Variants in GLIS3 observed in about 807,000 individuals in gnomAD.
The protein encoded by GLIS3 is zinc finger protein GLIS3.
GLIS3 carries 53 observed loss-of-function variants against 78.6 expected under a neutral mutation model. The ratio of observed to expected loss-of-function variants is 0.67; its 90% CI spans 0.54 to 0.85. The LOEUF (loss-of-function observed/expected upper bound fraction) is 0.85. GLIS3 is among the 40% of genes least tolerant of loss of function. The probability of loss-of-function intolerance (pLI) is 0.00; values close to 1 mark genes in which losing one functional copy is unlikely to be tolerated. For missense variants in GLIS3, 1,703 were observed against 1,231.1 expected (o/e 1.38, Z -5.74); for synonymous variants, 684 against 509.9 (o/e 1.34, Z -4.60).
intron 2 of GLIS3, among the ~76,000 whole-genome samples, chr9:4,217,356 T>A (rs909111629): frequency 6.6e-6 from 1 of 152,192 alleles, no homozygotes; most frequent in Non-Finnish European, 1.5e-5. Context: ...ACTTGTTTAG[T>A]CTTCATCCCA....
chr9:3,879,311 G>T, intron 8 of GLIS3, 116 bp downstream of exon 8: 2 of 948,186 alleles, frequency 2.1e-6, no homozygotes, highest in Non-Finnish European at 3.5e-6. Context: ...TGTCACCTTT[G>T]GGTAACTCAA....
At chr9:4,308,526 T>G (rs757423091) in intron 4 of GLIS3, among the ~76,000 whole-genome samples, 7 of 152,024 alleles carry the variant, frequency 4.6e-5, no homozygotes, top group Non-Finnish European at 1.0e-4. Flanking sequence ...CTCTCCTCCC[T>G]CCTCCCTGAG....
At chr9:3,904,851 C>T (rs1365701058) in intron 6 of GLIS3, among the ~76,000 whole-genome samples, 1 of 152,128 alleles carries the variant, frequency 6.6e-6, no homozygotes, top group East Asian at 1.9e-4. Flanking sequence ...TAGAGGGAAT[C>T]CCAAATTATG....
chr9:4,484,245 TTTA>T, the GLIS3 span, among the ~76,000 whole-genome samples: 12 of 148,490 alleles, frequency 8.1e-5, no homozygotes, highest in African/African-American at 2.5e-4. Flanking sequence ...TTTTATTTTT[TTTA>T]TTTTTTTGAG....
rs538025553 is a variant in GLIS3, at chr9:3,836,358, T to A, written c.2474-6866A>T. On this transcript the variant is annotated intron_variant, in intron 9 of 10. Transcript: ENST00000381971. ...TATTTTTCCGCAGAGACTATAATTT[T>A]GTGGGTTACTACTTTAGGAAGTGTA... is the stretch of plus-strand genomic sequence containing the variant. 2.6e-5 allele frequency among the ~76,000 whole-genome samples: 4 copies of A among 152,380 alleles called. No homozygotes were observed. In the South Asian group the frequency reaches 8.3e-4, roughly 32 times the overall value.
intron 4 of GLIS3, among the ~76,000 whole-genome samples, chr9:4,066,165 A>C (rs1465068970): frequency 6.6e-6 from 1 of 152,202 alleles, no homozygotes; most frequent in African/African-American, 2.4e-5. Flanking sequence ...ATTTAATAAA[A>C]GAGCAAACAG....
intron 2 of GLIS3, among the ~76,000 whole-genome samples, chr9:4,201,091 T>C (rs1026487247): frequency 7.2e-5 from 11 of 152,152 alleles, no homozygotes; most frequent in Non-Finnish European, 4.4e-5. Flanking sequence ...AACCACTCGA[T>C]CATCTCAATA....
chr9:4,032,694 G>A (rs1258389297), intron 4 of GLIS3, among the ~76,000 whole-genome samples: 2 of 152,038 alleles, frequency 1.3e-5, no homozygotes, highest in Non-Finnish European at 2.9e-5. Context: ...TTTCCAGCCC[G>A]GGGCAAGTAT....
intron 4 of GLIS3, among the ~76,000 whole-genome samples, chr9:4,110,483 G>C (rs976148807): frequency 6.6e-6 from 1 of 152,004 alleles, no homozygotes; most frequent in Non-Finnish European, 1.5e-5. Context: ...CAGAACCTGT[G>C]GCCCAAGAAA....
intron 4 of GLIS3, among the ~76,000 whole-genome samples, chr9:4,046,571 A>G (rs1411009614): frequency 3.3e-5 from 5 of 152,186 alleles, no homozygotes; most frequent in Admixed American, 6.5e-5. Context: ...AGCTAATACG[A>G]TAAGTTGTAC....
chr9:3,836,741 A>C (rs972610853), intron 9 of GLIS3, among the ~76,000 whole-genome samples: 1 of 152,166 alleles, frequency 6.6e-6, no homozygotes, highest in African/African-American at 2.4e-5. Context: ...CCATATGCTG[A>C]CAGCCACACC....
At chr9:4,256,472 T>G (rs1444572853) in intron 2 of GLIS3, among the ~76,000 whole-genome samples, 2 of 152,176 alleles carry the variant, frequency 1.3e-5, no homozygotes, top group Admixed American at 6.5e-5. Context: ...AGATTAAAAA[T>G]TATGATGTTG....
At chr9:4,381,892 T>C in the GLIS3 span, among the ~76,000 whole-genome samples, 1 of 152,228 alleles carries the variant, frequency 6.6e-6, no homozygotes, top group Non-Finnish European at 1.5e-5. Context: ...TGACCCAAGG[T>C]TCTGCTGGAA....
In GLIS3 at chr9:4,198,585, T is replaced by C. The variant is rs536213045; in HGVS notation, c.389-72644A>G. Among the ~76,000 whole-genome samples the C allele has an allele frequency of 2.8e-4, 43 of 152,284 alleles. No homozygotes were observed. The South Asian group carries it at 6.4e-3, about 23-fold the overall frequency. ...AAATAAACTGACAGATCTTACAAAT[T>C]ACTGGCATTCCTGAGAGAAGTGGAG... On this transcript the variant is annotated intron_variant, in intron 2 of 10. Coordinates refer to ENST00000381971, the MANE Select transcript of GLIS3 (RefSeq NM_001042413.2).
At chr9:3,925,639 G>A (rs1825170266) in intron 6 of GLIS3, among the ~76,000 whole-genome samples, 1 of 152,150 alleles carries the variant, frequency 6.6e-6, no homozygotes. Context: ...TCACTGTGAT[G>A]AGACGGAATC....
At chr9:4,452,873 G>C in the GLIS3 span, among the ~76,000 whole-genome samples, 13 of 152,042 alleles carry the variant, frequency 8.6e-5, no homozygotes, top group African/African-American at 3.1e-4. Flanking sequence ...TAAGCAAAAA[G>C]GACAAAGCTG....
chr9:4,249,311 G>A (rs547345553), intron 2 of GLIS3, among the ~76,000 whole-genome samples: 1 of 152,278 alleles, frequency 6.6e-6, no homozygotes, highest in South Asian at 2.1e-4. Flanking sequence ...GCAGTGGTTT[G>A]TAGTTCTCTT....
At chr9:4,440,756 A>G in the GLIS3 span, among the ~76,000 whole-genome samples, 2 of 152,162 alleles carry the variant, frequency 1.3e-5, no homozygotes, top group East Asian at 1.9e-4. Context: ...GGTAATATGG[A>G]CATTTTAACT....
the GLIS3 span, among the ~76,000 whole-genome samples, chr9:4,470,161 A>T: frequency 6.6e-6 from 1 of 152,228 alleles, no homozygotes; most frequent in Non-Finnish European, 1.5e-5. Flanking sequence ...TCACAGCCGA[A>T]TTCTACCAGA....
Sources: gnomAD v4.1 joint callset for allele counts (sites outside exome capture counted in the v4.1 genomes callset) on GRCh38, gnomAD v4.1.1 for gene constraint, MANE v1.5 for transcripts, NCBI Gene and HGNC (gene_info 2026-07-23, HGNC 2026-07-21) for gene names.